SPOCK1: variants seen among roughly 807,000 people sequenced by gnomAD.
SPOCK1 encodes the protein SPARC (osteonectin), cwcv and kazal like domains proteoglycan 1.
SPOCK1 carries 23 observed loss-of-function variants against 55.3 expected under a neutral mutation model. That is an observed-to-expected ratio of 0.42 (90% CI 0.30 to 0.59). SPOCK1 has a LOEUF of 0.59. SPOCK1 is among the 20% of genes least tolerant of loss of function. The pLI is 0.22. For missense variants in SPOCK1, 499 were observed against 552.5 expected (o/e 0.90, Z 0.97); for synonymous variants, 226 against 221.0 (o/e 1.02, Z -0.20).
intron 2 of SPOCK1, among the ~76,000 whole-genome samples, chr5:137,359,706 A>G (rs992663609): frequency 6.6e-6 from 1 of 152,254 alleles, no homozygotes; most frequent in African/African-American, 2.4e-5. Context: ...GAGCAAATGC[A>G]GTCAGCATTT....
intron 2 of SPOCK1, among the ~76,000 whole-genome samples, chr5:137,340,017 G>A (rs146304577): frequency 6.6e-6 from 1 of 152,096 alleles, no homozygotes; most frequent in East Asian, 1.9e-4. Flanking sequence ...GTGGGAATGT[G>A]ATATTTACAA....
intron 5 of SPOCK1, among the ~76,000 whole-genome samples, chr5:137,099,298 TTA>T (rs955276286): frequency 6.6e-6 from 1 of 152,180 alleles, no homozygotes; most frequent in Non-Finnish European, 1.5e-5. Context: ...GGTCTCATTT[TTA>T]ACATACATAC....
intron 6 of SPOCK1, among the ~76,000 whole-genome samples, chr5:137,050,289 C>T (rs879556537): frequency 3.1e-3 from 352 of 114,424 alleles, no homozygotes; most frequent in Middle Eastern, 8.1e-3. Flanking sequence ...TAGCAATCAG[C>T]GAGATTCCGT....
intron 3 of SPOCK1, among the ~76,000 whole-genome samples, chr5:137,222,475 AATTAAAGC>A (rs1755874046): frequency 6.6e-6 from 1 of 152,222 alleles, no homozygotes; most frequent in South Asian, 2.1e-4. Flanking sequence ...TAAGACCCTC[AATTAAAGC>A]ATTACCTCTC....
chr5:137,155,015 C>T (rs1269968339), intron 3 of SPOCK1, among the ~76,000 whole-genome samples: 3 of 152,202 alleles, frequency 2.0e-5, no homozygotes, highest in Admixed American at 6.5e-5. Flanking sequence ...TACATAGCTT[C>T]TCTGAGCTTT....
chr5:137,498,263 C>A, intron 2 of SPOCK1, 110 bp downstream of exon 2: 1 of 1,075,548 alleles, frequency 9.3e-7, no homozygotes, highest in South Asian at 3.0e-5. Flanking sequence ...GTCCCCCTCC[C>A]AACCACACAC....
At chr5:137,434,125 T>C (rs1183009086) in intron 2 of SPOCK1, among the ~76,000 whole-genome samples, 1 of 152,218 alleles carries the variant, frequency 6.6e-6, no homozygotes, top group Non-Finnish European at 1.5e-5. Context: ...CCACCAAAAC[T>C]GACCATCTGA....
At position 137,498,530 on chromosome 5, in the gene SPOCK1, G is replaced by A. The variant is rs1464878267; in HGVS notation, c.29C>T (p.Ala10Val). Reference protein sequence around the residue: MPAIAVLAAAAAAWCFLQVE... With the variant: MPAIAVLAAVAAAWCFLQVE... Reference sequence around the variant, plus strand: ...TTGGAGGAAGCACCACGCCGCGGCGGCCGCCGCCAACACCGCGATCGCCGG... The same window carrying A: ...TTGGAGGAAGCACCACGCCGCGGCGACCGCCGCCAACACCGCGATCGCCGG... Residue 10 changes from alanine (A) to valine (V), a missense_variant, in exon 2 of 11, where the codon GCC becomes GTC. Physicochemically the swap from Ala to Val is moderately conservative, Grantham distance 64. Coordinates refer to ENST00000394945, the MANE Select transcript of SPOCK1 (RefSeq NM_004598.4). The A allele has an allele frequency of 1.3e-6, 2 of 1,543,142 alleles. No individual in the cohort carries two copies. The highest frequency in any genetic ancestry group is 1.2e-5 in the South Asian group (1 of 84,472).
At chr5:137,329,749 G>A (rs145785003) in intron 2 of SPOCK1, among the ~76,000 whole-genome samples, 209 of 152,190 alleles carry the variant, frequency 1.4e-3, no homozygotes, top group Non-Finnish European at 2.6e-3. Flanking sequence ...ATCCCTTTGC[G>A]CACACACGCT....
intron 2 of SPOCK1, among the ~76,000 whole-genome samples, chr5:137,359,071 G>T (rs1396240558): frequency 6.6e-6 from 1 of 152,158 alleles, no homozygotes; most frequent in Non-Finnish European, 1.5e-5. Flanking sequence ...GCCCACTGGG[G>T]AGTCTGTGAA....
intron 3 of SPOCK1, among the ~76,000 whole-genome samples, chr5:137,168,925 A>C (rs1359291966): frequency 1.3e-5 from 2 of 152,228 alleles, no homozygotes; most frequent in Non-Finnish European, 2.9e-5. Context: ...TATACACAAT[A>C]GCCAGGATTT....
At chr5:137,030,427 C>T (rs1413708947) in intron 6 of SPOCK1, among the ~76,000 whole-genome samples, 3 of 152,166 alleles carry the variant, frequency 2.0e-5, no homozygotes, top group African/African-American at 7.2e-5. Flanking sequence ...CCTCTAAGTA[C>T]AAAGGACGCA....
intron 2 of SPOCK1, among the ~76,000 whole-genome samples, chr5:137,308,582 C>T (rs1053446180): frequency 6.6e-6 from 1 of 152,216 alleles, no homozygotes; most frequent in Non-Finnish European, 1.5e-5. Context: ...AAGGCCCTGG[C>T]TCCTGGCCTC....
At chr5:137,085,649 C>T (rs915724424) in intron 5 of SPOCK1, among the ~76,000 whole-genome samples, 2 of 152,240 alleles carry the variant, frequency 1.3e-5, no homozygotes, top group Non-Finnish European at 2.9e-5. Flanking sequence ...CCCAGCTCCA[C>T]TCCCGGTCAG....
intron 9 of SPOCK1, among the ~76,000 whole-genome samples, chr5:136,984,732 C>T (rs1318547321): frequency 6.6e-6 from 1 of 152,186 alleles, no homozygotes; most frequent in Non-Finnish European, 1.5e-5. Flanking sequence ...GAAGAGAGTA[C>T]AGCCCATCTG....
chr5:137,031,706 C>T (rs908691120), intron 6 of SPOCK1, among the ~76,000 whole-genome samples: 7 of 152,146 alleles, frequency 4.6e-5, no homozygotes, highest in Non-Finnish European at 1.0e-4. Context: ...CAGGAATTAT[C>T]AGACCCTGTT....
At chr5:137,374,560 G>A (rs1019156357) in intron 2 of SPOCK1, among the ~76,000 whole-genome samples, 1 of 152,170 alleles carries the variant, frequency 6.6e-6, no homozygotes, top group East Asian at 1.9e-4. Flanking sequence ...ACGGACTGGA[G>A]GGACAGTGAG....
chr5:137,402,094 T>C (rs1303766839), intron 2 of SPOCK1, among the ~76,000 whole-genome samples: 1 of 152,206 alleles, frequency 6.6e-6, no homozygotes, highest in Non-Finnish European at 1.5e-5. Flanking sequence ...CATCTGTTCA[T>C]GCAGATTTCA....
chr5:137,497,645 G>A (rs1021904739), intron 2 of SPOCK1, among the ~76,000 whole-genome samples: 10 of 152,162 alleles, frequency 6.6e-5, no homozygotes, highest in East Asian at 5.8e-4. Flanking sequence ...GAAACAGGCC[G>A]CAAGTGTGTT....
Sources: gnomAD v4.1 joint callset for allele counts (sites outside exome capture counted in the v4.1 genomes callset) on GRCh38, gnomAD v4.1.1 for gene constraint, MANE v1.5 for transcripts, NCBI Gene and HGNC (gene_info 2026-07-23, HGNC 2026-07-21) for gene names.